GAS2L3: variants seen among roughly 807,000 people sequenced by gnomAD.
GAS2L3 encodes GAS2-like protein 3.
In GAS2L3, 28 loss-of-function variants were observed where a neutral mutation model predicts 37.0. The ratio of observed to expected loss-of-function variants is 0.76; its 90% CI spans 0.56 to 1.04. GAS2L3 has a LOEUF of 1.04. Ranked by LOEUF, GAS2L3 falls within the 50% of genes least tolerant of loss-of-function variation. The pLI, the probability that GAS2L3 is intolerant of heterozygous loss-of-function variation, is 0.00. For synonymous variants in GAS2L3, 290 were observed against 296.6 expected (o/e 0.98, Z 0.23); for missense variants, 793 against 817.6 (o/e 0.97, Z 0.37).
chr12:100,583,816 T>G (rs1423815240), intron 1 of GAS2L3, among the ~76,000 whole-genome samples: 1 of 152,182 alleles, frequency 6.6e-6, no homozygotes, highest in Non-Finnish European at 1.5e-5. Context: ...GCAGCTCACT[T>G]GACATGCTAG....
chr12:100,585,264 C>T (rs1389521091), intron 1 of GAS2L3, among the ~76,000 whole-genome samples: 2 of 150,180 alleles, frequency 1.3e-5, no homozygotes, highest in African/African-American at 4.9e-5. Flanking sequence ...TTTTTCTTCC[C>T]CCAAGATGGA....
At chr12:100,608,699 A>G (rs916604171) in intron 5 of GAS2L3, among the ~76,000 whole-genome samples, 47 of 151,500 alleles carry the variant, frequency 3.1e-4, no homozygotes, top group African/African-American at 1.0e-3. Context: ...TTTTTTTTGT[A>G]TTTTTAGTAG....
intron 1 of GAS2L3, among the ~76,000 whole-genome samples, chr12:100,590,960 A>G (rs945833261): frequency 9.2e-5 from 14 of 152,108 alleles, no homozygotes; most frequent in Admixed American, 6.6e-4. Flanking sequence ...AAGGGATAGA[A>G]GACTACAAAT....
intron 6 of GAS2L3, among the ~76,000 whole-genome samples, chr12:100,614,665 C>A (rs540868193): frequency 2.6e-4 from 39 of 152,238 alleles, no homozygotes; most frequent in African/African-American, 9.1e-4. Flanking sequence ...AAATCTGTAC[C>A]TATTAGCAAT....
chr12:100,622,128 G>A, intron 8 of GAS2L3, 147 bp from the exon 9 acceptor site: 1 of 430,718 alleles, frequency 2.3e-6, no homozygotes, highest in South Asian at 5.2e-5. Context: ...CTCAATATTT[G>A]TTAATAAGCA....
chr12:100,574,224 T>G (rs181128456), intron 1 of GAS2L3, among the ~76,000 whole-genome samples: 1 of 152,258 alleles, frequency 6.6e-6, no homozygotes, highest in Admixed American at 6.5e-5. Context: ...AGGGTCTGTT[T>G]TTTTCTGTTC....
At chr12:100,591,113 T>G (rs1955841561) in intron 1 of GAS2L3, among the ~76,000 whole-genome samples, 1 of 152,186 alleles carries the variant, frequency 6.6e-6, no homozygotes. Context: ...AATAAAATTA[T>G]GTATTCATTT....
intron 5 of GAS2L3, among the ~76,000 whole-genome samples, chr12:100,603,029 T>C (rs1956012315): frequency 6.6e-6 from 1 of 152,224 alleles, no homozygotes. Flanking sequence ...TCACATTTTC[T>C]TTACCTAGTC....
intron 6 of GAS2L3, among the ~76,000 whole-genome samples, chr12:100,617,226 A>T: frequency 6.6e-6 from 1 of 151,926 alleles, no homozygotes; most frequent in East Asian, 1.9e-4. Flanking sequence ...TTCATTGAGG[A>T]TTTTTGTATC....
intron 9 of GAS2L3, among the ~76,000 whole-genome samples, chr12:100,622,806 A>G (rs1956276117): frequency 1.4e-5 from 2 of 145,352 alleles, no homozygotes; most frequent in Admixed American, 1.4e-4. Context: ...TGTAGAGTTT[A>G]TAATAATACA....
chr12:100,583,549 G>A (rs1472185797), intron 1 of GAS2L3, among the ~76,000 whole-genome samples: 2 of 151,682 alleles, frequency 1.3e-5, no homozygotes, highest in East Asian at 3.9e-4. Context: ...TCAGCTCACT[G>A]CAACCTCCAC....
At chr12:100,584,983 G>A (rs1434384173) in intron 1 of GAS2L3, among the ~76,000 whole-genome samples, 1 of 149,398 alleles carries the variant, frequency 6.7e-6, no homozygotes, top group Non-Finnish European at 1.5e-5. Context: ...CTGCCTCCTG[G>A]GTTCACGCCA....
At chr12:100,605,681 T>A (rs1027354933) in intron 5 of GAS2L3, among the ~76,000 whole-genome samples, 4 of 151,848 alleles carry the variant, frequency 2.6e-5, no homozygotes, top group Non-Finnish European at 5.9e-5. Flanking sequence ...GGTTTTGGTA[T>A]TTGTGCTTTC....
At chr12:100,616,615 ACAAAC>A (rs1166049975) in intron 6 of GAS2L3, among the ~76,000 whole-genome samples, 5 of 111,694 alleles carry the variant, frequency 4.5e-5, no homozygotes, top group African/African-American at 1.6e-4. Flanking sequence ...AAAAAAACAA[ACAAAC>A]AAAAAAACTG....
intron 5 of GAS2L3, among the ~76,000 whole-genome samples, chr12:100,609,969 A>G (rs528593018): frequency 3.5e-4 from 53 of 152,314 alleles, no homozygotes; most frequent in Admixed American, 9.8e-4. Flanking sequence ...GCCCTCTTCA[A>G]TGTCTCTCTC....
chr12:100,595,946 T>G (rs1955906430), intron 3 of GAS2L3, among the ~76,000 whole-genome samples: 1 of 152,024 alleles, frequency 6.6e-6, no homozygotes, highest in Non-Finnish European at 1.5e-5. Flanking sequence ...CCCCTCCTCC[T>G]TCTTCTCTTC....
chr12:100,584,273 A>G (rs1955750229), intron 1 of GAS2L3, among the ~76,000 whole-genome samples: 1 of 152,188 alleles, frequency 6.6e-6, no homozygotes, highest in African/African-American at 2.4e-5. Flanking sequence ...CCAATCAGGA[A>G]GGGCTACTAG....
intron 6 of GAS2L3, 101 bp from the exon 7 acceptor site, chr12:100,617,643 G>C (rs60123844): frequency 0.016 from 11,669 of 742,104 alleles, 463 homozygotes; most frequent in East Asian, 0.15. Context: ...TAAACCTGCT[G>C]TCTTCATTAT....
intron 6 of GAS2L3, 26 bp downstream of exon 6, chr12:100,612,167 T>C: frequency 6.2e-7 from 1 of 1,600,272 alleles, no homozygotes; most frequent in Non-Finnish European, 8.6e-7. Flanking sequence ...GTCATTCTTG[T>C]TTTTAATGCT....
Sources: allele counts gnomAD v4.1 joint callset (sites outside exome capture counted in the v4.1 genomes callset), GRCh38; gene constraint gnomAD v4.1.1; transcripts MANE v1.5; gene names NCBI Gene and HGNC (gene_info 2026-07-23, HGNC 2026-07-21).